The following GLYR1 variants were observed in gnomAD, a reference collection of about 807,000 sequenced individuals.
GLYR1 encodes glyoxylate reductase 1 homolog, also known as cytokine-like nuclear factor N-PAC.
In GLYR1, 21 loss-of-function variants were observed where a neutral mutation model predicts 72.7. The ratio of observed to expected loss-of-function variants is 0.29; its 90% CI spans 0.20 to 0.42. The LOEUF is 0.42. Ranked by LOEUF, GLYR1 falls within the 10% of genes least tolerant of loss-of-function variation. The pLI is 1.00. For missense variants in GLYR1, 594 were observed against 712.1 expected, an observed-to-expected ratio of 0.83 and a Z score of 1.89; for synonymous variants, 392 against 270.2, an observed-to-expected ratio of 1.45 and a Z score of -4.42.
intron 12 of GLYR1, 91 bp downstream of exon 12, chr16:4,813,646 C>G (rs779723310): frequency 2.4e-5 from 27 of 1,126,948 alleles, no homozygotes; most frequent in Non-Finnish European, 3.5e-5. Flanking sequence ...GGCTTTGGCT[C>G]TAGAGTAACT....
intron 5 of GLYR1, among the ~76,000 whole-genome samples, chr16:4,824,907 G>A (rs2141995988): frequency 6.6e-6 from 1 of 152,200 alleles, no homozygotes; most frequent in South Asian, 2.1e-4. Flanking sequence ...CTCAGTCTTA[G>A]AAAACGCCTG....
chr16:4,831,913 G>A, intron 5 of GLYR1, 66 bp downstream of exon 5: 1 of 1,561,226 alleles, frequency 6.4e-7, no homozygotes, highest in Non-Finnish European at 8.7e-7. Context: ...GCATACTGTA[G>A]AGCTTAACTC....
intron 10 of GLYR1, 73 bp downstream of exon 10, chr16:4,817,525 C>T (rs1168364816): frequency 3.4e-6 from 3 of 880,344 alleles, no homozygotes; most frequent in African/African-American, 1.7e-5. Flanking sequence ...GCTGAGACAA[C>T]AGGGGGAGAT....
Position 4,832,224 on chromosome 16 carries a change from GA to G in GLYR1, c.295-4del. On this transcript the variant is annotated splice_polypyrimidine_tract_variant and splice_region_variant and intron_variant, in intron 4 of 15. Transcript: ENST00000321919. ...TCAGAAGAATTGTGGGATGACGTCT[GA>G]AAGTTTAATAATAATAATGATAACT... The G allele has an allele frequency of 1.2e-6, 2 of 1,613,860 alleles. No homozygotes were observed. The highest frequency in any genetic ancestry group is 1.7e-6 in the Non-Finnish European group (2 of 1,179,908).
In GLYR1 at chr16:4,847,254, C is replaced by A. The variant is rs951333418; in HGVS notation, c.12G>T (p.Val4=). Residue 4 remains valine, a synonymous_variant, in exon 1 of 16, where the codon GTG becomes GTT. Coordinates refer to ENST00000321919, the MANE Select transcript of GLYR1 (RefSeq NM_032569.4). The part of the protein sequence containing the change: MAA[V]SLRLGDLVWG... Reference sequence around the variant, plus strand: ...ACACCAAGTCGCCGAGCCGCAGACTCACAGCCGCCATCTTACCACCCAACC... The same window carrying A: ...ACACCAAGTCGCCGAGCCGCAGACTAACAGCCGCCATCTTACCACCCAACC... The A allele has an allele frequency of 1.2e-6, 2 of 1,610,138 alleles. No homozygotes were observed. Among genetic ancestry groups the A allele is most frequent in the Non-Finnish European group, 8.5e-7 (1 of 1,179,038 alleles).
At chr16:4,829,307 G>A (rs1338887652) in intron 5 of GLYR1, among the ~76,000 whole-genome samples, 1 of 151,910 alleles carries the variant, frequency 6.6e-6, no homozygotes, top group Non-Finnish European at 1.5e-5. Context: ...TGTATTTCCA[G>A]CTTCTCTCTT....
At chr16:4,815,321 G>C (rs1189807094) in intron 10 of GLYR1, among the ~76,000 whole-genome samples, 6 of 151,662 alleles carry the variant, frequency 4.0e-5, no homozygotes, top group Non-Finnish European at 8.8e-5. Flanking sequence ...AGGCTGGATG[G>C]GCCTACTATT....
Position 4,813,841 on chromosome 16 carries a change from G to A in GLYR1, c.1018-3C>T, listed in dbSNP as rs1344799449. 1 of 1,607,290 alleles carries A rather than the reference G, an allele frequency of 6.2e-7. No individual in the cohort carries two copies. Among genetic ancestry groups the A allele is most frequent in the Non-Finnish European group, 8.5e-7 (1 of 1,175,876 alleles). On this transcript the variant is annotated splice_polypyrimidine_tract_variant and splice_region_variant and intron_variant, in intron 11 of 15. Transcript: ENST00000321919. ...ACACCACTGGGGCCCAGCACCAGCT[G>A]TGGGGACACAAGGGAGAAGCAATAG...
At chr16:4,813,655 C>G in intron 12 of GLYR1, 82 bp downstream of exon 12, 1 of 1,235,820 alleles carries the variant, frequency 8.1e-7, no homozygotes, top group Admixed American at 2.0e-5. Flanking sequence ...TCTAGAGTAA[C>G]TTAACTGCCC....
chr16:4,832,647 G>A, intron 4 of GLYR1, 127 bp downstream of exon 4: 1 of 1,131,658 alleles, frequency 8.8e-7, no homozygotes, highest in Non-Finnish European at 1.3e-6. Flanking sequence ...CCTTAGAACT[G>A]AAGTAGCTTT....
At position 4,831,999 on chromosome 16, in the gene GLYR1, G is replaced by A; in HGVS notation, c.517C>T (p.Arg173Trp). 6.2e-7 allele frequency: 1 copy of A among 1,613,780 alleles called. No homozygotes were observed. The highest frequency in any genetic ancestry group is 8.5e-7 in the Non-Finnish European group (1 of 1,179,876). Residue 173 changes from arginine (R) to tryptophan (W), a missense_variant, in exon 5 of 16, where the codon CGG becomes TGG. Arg to Trp is a moderately radical substitution (Grantham distance 101, BLOSUM62 -3). Transcript: ENST00000321919. The part of the protein sequence containing the change: ...AQEQSPRKRG[R>W]PPKDEKDLTI... ...CAAACCTTCTCATCCTTTGGGGGCC[G>A]ACCCCGCTTCCGGGGACTTTGCTCT...
chr16:4,818,497 G>C (rs2083795500), intron 9 of GLYR1, among the ~76,000 whole-genome samples: 1 of 151,606 alleles, frequency 6.6e-6, no homozygotes, highest in Non-Finnish European at 1.5e-5. Context: ...TACCCAGGCT[G>C]GTCTTGGACT....
chr16:4,815,504 T>C (rs2083579872), intron 10 of GLYR1, among the ~76,000 whole-genome samples: 1 of 152,226 alleles, frequency 6.6e-6, no homozygotes, highest in Non-Finnish European at 1.5e-5. Context: ...CACTTTCAAT[T>C]GTAAAATCAC....
intron 10 of GLYR1, among the ~76,000 whole-genome samples, chr16:4,816,192 G>T (rs1334841012): frequency 6.6e-6 from 1 of 151,962 alleles, no homozygotes; most frequent in African/African-American, 2.4e-5. Flanking sequence ...TGCCTAGGTG[G>T]GAATGCAGTG....
In GLYR1 at chr16:4,847,207, G is replaced by A. The variant is rs758635405; in HGVS notation, c.38+21C>T. The A allele has an allele frequency of 1.2e-5, 19 of 1,597,214 alleles. No individual in the cohort carries two copies. The Admixed American group carries it at 2.4e-4, about 20-fold the overall frequency. ...GGTAGCTCCCCGGCGCGTCTCGGTTGGCCCGGCCGCTCGGACTCACCACAC... is the reference window on the plus strand; with the variant it reads ...GGTAGCTCCCCGGCGCGTCTCGGTTAGCCCGGCCGCTCGGACTCACCACAC... On this transcript the variant is annotated intron_variant, in intron 1 of 15. Transcript: ENST00000321919.
chr16:4,819,338 T>C (rs1266745386), intron 9 of GLYR1, among the ~76,000 whole-genome samples: 3 of 152,056 alleles, frequency 2.0e-5, no homozygotes, highest in African/African-American at 7.2e-5. Flanking sequence ...GTGACAGCAT[T>C]ATGCTGTCTC....
chr16:4,846,684 C>T (rs940411074), intron 1 of GLYR1: 2 of 236,262 alleles, frequency 8.5e-6, no homozygotes, highest in Admixed American at 1.0e-4. Flanking sequence ...GGGAGGCACC[C>T]AAGCGTGCAC....
intron 3 of GLYR1, among the ~76,000 whole-genome samples, chr16:4,836,632 T>C (rs1046932983): frequency 6.6e-6 from 1 of 152,088 alleles, no homozygotes; most frequent in African/African-American, 2.4e-5. Context: ...TAAAAAGCAA[T>C]GCATGTTATG....
chr16:4,836,842 A>C (rs950513638), intron 3 of GLYR1, among the ~76,000 whole-genome samples: 4 of 151,942 alleles, frequency 2.6e-5, no homozygotes, highest in African/African-American at 9.7e-5. Flanking sequence ...AAACAAATCA[A>C]TACTAAAGGC....
Sources: gnomAD v4.1 joint callset for allele counts (sites outside exome capture counted in the v4.1 genomes callset) on GRCh38, gnomAD v4.1.1 for gene constraint, MANE v1.5 for transcripts, NCBI Gene and HGNC (gene_info 2026-07-23, HGNC 2026-07-21) for gene names.